STXBP5L: variants seen among roughly 807,000 people sequenced by gnomAD.
The protein encoded by STXBP5L is syntaxin binding protein 5L, also known as syntaxin-binding protein 5-like.
Under a neutral mutation model 144.5 loss-of-function variants are expected in STXBP5L, and 65 were observed. The observed-to-expected ratio is 0.45, with a 90% CI of 0.37 to 0.55. The LOEUF (loss-of-function observed/expected upper bound fraction) is 0.55, where lower values mean the gene tolerates loss of function less well. Ranked by LOEUF, STXBP5L falls within the 20% of genes least tolerant of loss-of-function variation. The pLI is 0.00. For synonymous variants in STXBP5L, 505 were observed against 469.6 expected (o/e 1.08, Z -0.97); for missense variants, 1,298 against 1,405.5 (o/e 0.92, Z 1.22).
chr3:121,242,224 A>G (rs2049694295), intron 14 of STXBP5L, among the ~76,000 whole-genome samples: 1 of 152,188 alleles, frequency 6.6e-6, no homozygotes, highest in Admixed American at 6.6e-5. Flanking sequence ...TAATAAAAGT[A>G]TGGATAAATA....
At chr3:121,239,839 C>A (rs2049609690) in intron 13 of STXBP5L, among the ~76,000 whole-genome samples, 1 of 150,126 alleles carries the variant, frequency 6.7e-6, no homozygotes, top group South Asian at 2.1e-4. Flanking sequence ...GCACATGTAC[C>A]CTAAAACTTA....
chr3:121,386,341 A>G (rs1011785172), intron 22 of STXBP5L, among the ~76,000 whole-genome samples: 2 of 152,098 alleles, frequency 1.3e-5, no homozygotes, highest in African/African-American at 4.8e-5. Flanking sequence ...CAGTCATTTT[A>G]TTTAGGATAA....
chr3:121,188,648 T>A (rs891819755), intron 9 of STXBP5L, among the ~76,000 whole-genome samples: 5 of 152,152 alleles, frequency 3.3e-5, no homozygotes, highest in African/African-American at 4.8e-5. Flanking sequence ...GCAAGGCTGG[T>A]TCAACATACG....
intron 8 of STXBP5L, among the ~76,000 whole-genome samples, chr3:121,154,579 TTA>T (rs1375242731): frequency 6.6e-6 from 1 of 151,858 alleles, no homozygotes; most frequent in African/African-American, 2.4e-5. Flanking sequence ...CTTCAGGATA[TTA>T]TGTCTTTACC....
At chr3:121,362,882 G>T (rs1366975065) in intron 20 of STXBP5L, among the ~76,000 whole-genome samples, 1 of 152,050 alleles carries the variant, frequency 6.6e-6, no homozygotes, top group East Asian at 1.9e-4. Context: ...TTCATCCAAG[G>T]CCCTTAACAT....
chr3:120,995,609 A>C (rs1292750659), intron 3 of STXBP5L, among the ~76,000 whole-genome samples: 1 of 152,042 alleles, frequency 6.6e-6, no homozygotes, highest in Non-Finnish European at 1.5e-5. Flanking sequence ...AAACATGTAA[A>C]TTATCACAGT....
chr3:121,293,371 A>T (rs1476844988), intron 19 of STXBP5L, among the ~76,000 whole-genome samples: 1 of 152,122 alleles, frequency 6.6e-6, no homozygotes, highest in Non-Finnish European at 1.5e-5. Context: ...GCACAAAGAA[A>T]CTCTTGGGCA....
intron 2 of STXBP5L, among the ~76,000 whole-genome samples, chr3:120,936,579 C>T (rs1225108960): frequency 6.6e-6 from 1 of 151,152 alleles, no homozygotes; most frequent in Non-Finnish European, 1.5e-5. Context: ...TTTAGGTTCA[C>T]TTAGAGACTC....
At chr3:121,377,866 C>A (rs1027727445) in intron 20 of STXBP5L, among the ~76,000 whole-genome samples, 1 of 152,160 alleles carries the variant, frequency 6.6e-6, no homozygotes, top group Non-Finnish European at 1.5e-5. Context: ...AAGACACATG[C>A]ACACATATGT....
intron 20 of STXBP5L, among the ~76,000 whole-genome samples, chr3:121,372,409 C>G (rs1381709862): frequency 6.6e-6 from 1 of 152,164 alleles, no homozygotes; most frequent in African/African-American, 2.4e-5. Context: ...ACACCAAACC[C>G]TCTGGGCGCT....
At chr3:121,190,646 C>G (rs988804077) in intron 9 of STXBP5L, among the ~76,000 whole-genome samples, 1 of 151,958 alleles carries the variant, frequency 6.6e-6, no homozygotes, top group Non-Finnish European at 1.5e-5. Flanking sequence ...AGAGGCACCC[C>G]CCACCTCCCA....
chr3:121,102,729 C>T (rs1434214683), intron 5 of STXBP5L, among the ~76,000 whole-genome samples: 2 of 152,070 alleles, frequency 1.3e-5, no homozygotes, highest in Non-Finnish European at 2.9e-5. Context: ...GGAACTTCTG[C>T]ACAGCAAGAT....
chr3:121,060,597 T>A (rs998965852), intron 5 of STXBP5L, among the ~76,000 whole-genome samples: 1 of 152,126 alleles, frequency 6.6e-6, no homozygotes, highest in East Asian at 1.9e-4. Context: ...GAATCTGTCT[T>A]GTTCTGGACT....
At chr3:121,029,910 CACAT>C (rs1426961902) in intron 3 of STXBP5L, among the ~76,000 whole-genome samples, 2 of 151,622 alleles carry the variant, frequency 1.3e-5, no homozygotes, top group Admixed American at 6.6e-5. Flanking sequence ...TTATGAGGCC[CACAT>C]ACATATGAAA....
At chr3:121,364,230 G>A (rs1406598117) in intron 20 of STXBP5L, among the ~76,000 whole-genome samples, 1 of 152,120 alleles carries the variant, frequency 6.6e-6, no homozygotes, top group Non-Finnish European at 1.5e-5. Context: ...AACTCAATGG[G>A]CTCAGTATCC....
At chr3:121,240,985 T>C (rs1190215516) in intron 14 of STXBP5L, among the ~76,000 whole-genome samples, 1 of 152,130 alleles carries the variant, frequency 6.6e-6, no homozygotes, top group Non-Finnish European at 1.5e-5. Flanking sequence ...AAATATGAGA[T>C]TTAAAAAGTA....
At chr3:121,351,685 T>G (rs956308542) in intron 20 of STXBP5L, among the ~76,000 whole-genome samples, 6 of 152,144 alleles carry the variant, frequency 3.9e-5, no homozygotes, top group Non-Finnish European at 5.9e-5. Flanking sequence ...CAGAAGCTCT[T>G]TAGTTTAATT....
intron 9 of STXBP5L, among the ~76,000 whole-genome samples, chr3:121,170,993 A>G (rs1019796962): frequency 3.9e-5 from 6 of 152,214 alleles, no homozygotes; most frequent in Non-Finnish European, 7.3e-5. Flanking sequence ...CTTATCCACC[A>G]TGATCAAGTT....
intron 14 of STXBP5L, among the ~76,000 whole-genome samples, chr3:121,247,753 A>C (rs2108354992): frequency 6.6e-6 from 1 of 152,264 alleles, no homozygotes; most frequent in East Asian, 1.9e-4. Context: ...TCCACATGCC[A>C]TTGTAAATAG....
Sources: gnomAD v4.1 joint callset for allele counts (sites outside exome capture counted in the v4.1 genomes callset) on GRCh38, gnomAD v4.1.1 for gene constraint, MANE v1.5 for transcripts, NCBI Gene and HGNC (gene_info 2026-07-23, HGNC 2026-07-21) for gene names.